The following SP100 variants were observed in gnomAD, a reference collection of about 807,000 sequenced individuals.
SP100 encodes the protein SP100 nuclear body protein, also known as nuclear autoantigen Sp-100.
In SP100, 84 loss-of-function variants were observed where a neutral mutation model predicts 130.0. That is an observed-to-expected ratio of 0.65 (90% CI 0.54 to 0.77). The LOEUF (loss-of-function observed/expected upper bound fraction) is 0.77. SP100 is among the 30% of genes least tolerant of loss of function. SP100 has a pLI of 0.00. For missense variants in SP100, 978 were observed against 1,052.2 expected, an observed-to-expected ratio of 0.93 and a Z score of 0.97; for synonymous variants, 331 against 351.7, an observed-to-expected ratio of 0.94 and a Z score of 0.66.
chr2:230,426,165 A>T (rs2062926370), intron 2 of SP100, among the ~76,000 whole-genome samples: 1 of 152,044 alleles, frequency 6.6e-6, no homozygotes, highest in South Asian at 2.1e-4. Flanking sequence ...TTAGTGAAAG[A>T]GTTGCTAATT....
At chr2:230,460,454 C>A (rs533328970) in intron 8 of SP100, among the ~76,000 whole-genome samples, 3 of 151,970 alleles carry the variant, frequency 2.0e-5, no homozygotes, top group South Asian at 2.1e-4. Flanking sequence ...AGAGATTATT[C>A]CATTTTTATA....
At chr2:230,425,055 A>G (rs994099931) in intron 2 of SP100, among the ~76,000 whole-genome samples, 3 of 152,228 alleles carry the variant, frequency 2.0e-5, no homozygotes, top group African/African-American at 4.8e-5. Flanking sequence ...GGTGTAAAAC[A>G]TGATGATTTC....
In SP100 at chr2:230,545,381, G is replaced by A. The variant is rs1393982670; in HGVS notation, c.*2435G>A. On this transcript the variant is annotated 3_prime_UTR_variant, in exon 29 of 29. Coordinates refer to ENST00000340126, the MANE Select transcript of SP100 (RefSeq NM_001080391.2). ...GTTGTGAGTGGGAGCTAAATGATGAGAACTCATGAACACAATGAAGGGAAC... is the reference window on the plus strand; with the variant it reads ...GTTGTGAGTGGGAGCTAAATGATGAAAACTCATGAACACAATGAAGGGAAC... Among the ~76,000 whole-genome samples, 1 of 152,096 alleles carries A rather than the reference G, an allele frequency of 6.6e-6. No individual in the cohort carries two copies. Among genetic ancestry groups the A allele is most frequent in the Non-Finnish European group, 1.5e-5 (1 of 68,010 alleles).
In SP100 at chr2:230,506,313, G is replaced by T. The variant is rs768622900; in HGVS notation, c.1881G>T (p.Lys627Asn). ...YKERFKQGTS[K>N]KCIQSEDKKW... ...GCCTTGGTCTTACAGGAACCTCAAA[G>T]AAGTGTATACAGAGTGAGGATAAAA... Residue 627 changes from lysine (K) to asparagine (N), a missense_variant, in exon 22 of 29, where the codon AAG becomes AAT. By Grantham distance (94) the Lys-to-Asn change is moderately conservative. Transcript: ENST00000340126. 6.2e-7 allele frequency: 1 copy of T among 1,613,762 alleles called. No homozygotes were observed. The highest frequency in any genetic ancestry group is 8.5e-7 in the Non-Finnish European group (1 of 1,179,738).
intron 23 of SP100, 162 bp downstream of exon 23, chr2:230,508,193 T>C: frequency 8.5e-7 from 1 of 1,180,876 alleles, no homozygotes; most frequent in Non-Finnish European, 1.1e-6. Context: ...AATGTATAAG[T>C]CCAGGGCTCC....
chr2:230,486,625 G>A (rs189990090), intron 17 of SP100, among the ~76,000 whole-genome samples: 2 of 152,306 alleles, frequency 1.3e-5, no homozygotes, highest in Admixed American at 1.3e-4. Context: ...AAATAGTGCT[G>A]CAATAAACAT....
intron 2 of SP100, among the ~76,000 whole-genome samples, chr2:230,433,533 C>A (rs1170247916): frequency 6.6e-6 from 1 of 151,980 alleles, no homozygotes; most frequent in African/African-American, 2.4e-5. Flanking sequence ...TGCAAAAGGC[C>A]ATTGGAGATT....
intron 24 of SP100, chr2:230,515,793 C>T (rs80080084): frequency 4.8e-4 from 706 of 1,463,208 alleles, no homozygotes; most frequent in Admixed American, 9.6e-4. Flanking sequence ...TAACCACTAC[C>T]GAATGTGTCT....
rs1342542579 is a variant in SP100 at position 230,543,398 on chromosome 2, T to C, written c.*452T>C. On this transcript the variant is annotated 3_prime_UTR_variant, in exon 29 of 29. Coordinates refer to ENST00000340126, the MANE Select transcript of SP100 (RefSeq NM_001080391.2). Reference sequence around the variant, plus strand: ...GTTTGCACACAACATTGATTCTATATCTAGAAAACCCCCTAGTCTCAGCCC... The same window carrying C: ...GTTTGCACACAACATTGATTCTATACCTAGAAAACCCCCTAGTCTCAGCCC... The C allele has an allele frequency of 6.6e-6, 1 of 152,322 alleles. No homozygotes were observed. Among genetic ancestry groups the C allele is most frequent in the Non-Finnish European group, 1.5e-5 (1 of 68,134 alleles). The allele number at this position is 152,322 out of a possible 1,614,324, so 9.4% of individuals were successfully genotyped here.
At chr2:230,455,492 T>G (rs186820630) in intron 8 of SP100, among the ~76,000 whole-genome samples, 233 of 152,338 alleles carry the variant, frequency 1.5e-3, no homozygotes, top group African/African-American at 5.4e-3. Flanking sequence ...TCTTTTCACT[T>G]TCAGTCTATG....
intron 24 of SP100, chr2:230,514,941 T>C: frequency 7.8e-7 from 1 of 1,278,896 alleles, no homozygotes. Context: ...TACATTGAGC[T>C]CCATAGAGAT....
At position 230,541,455 on chromosome 2, in the gene SP100, A is replaced by G. The variant is rs114768322; in HGVS notation, c.2403+83A>G. On this transcript the variant is annotated intron_variant, in intron 27 of 28. Transcript: ENST00000340126. ...ATCCCATGGCACAAGGTGCCATTCTATTTGGCTTGTTGATGAGTTTTTAGT... is the reference window on the plus strand; with the variant it reads ...ATCCCATGGCACAAGGTGCCATTCTGTTTGGCTTGTTGATGAGTTTTTAGT... 2,174 of 1,224,060 alleles carry G rather than the reference A, an allele frequency of 1.8e-3. 34 individuals carry two copies. In the African/African-American group the frequency reaches 0.029, roughly 16 times the overall value. 75.8% of individuals were successfully genotyped at this position (1,224,060 alleles called of 1,614,324 possible).
intron 24 of SP100, chr2:230,520,475 A>C (rs1223718885): frequency 6.6e-6 from 1 of 152,176 alleles, no homozygotes; most frequent in Non-Finnish European, 1.5e-5. Flanking sequence ...AGCTTCAAAA[A>C]ACCAGAACTT....
At chr2:230,513,758 T>C (rs1022739694) in intron 24 of SP100, among the ~76,000 whole-genome samples, 1 of 152,258 alleles carries the variant, frequency 6.6e-6, no homozygotes, top group South Asian at 2.1e-4. Context: ...GAAATCAGTA[T>C]TTTGGCCTTA....
At chr2:230,500,866 G>A (rs1365301239) in intron 19 of SP100, among the ~76,000 whole-genome samples, 1 of 152,162 alleles carries the variant, frequency 6.6e-6, no homozygotes, top group Non-Finnish European at 1.5e-5. Context: ...AATTTTACCT[G>A]AGAGACAAGG....
chr2:230,464,161 TA>T lies in SP100; in HGVS notation c.1141+12del, dbSNP rs2064812893. 2.6e-6 allele frequency: 4 copies of T among 1,533,522 alleles called. No homozygotes were observed. The African/African-American group carries it at 4.1e-5, about 16-fold the overall frequency. 95.0% of individuals were successfully genotyped at this position (1,533,522 alleles called of 1,614,324 possible). A position where few individuals can be genotyped will look rare whatever the true frequency, so the allele number is the denominator to read the frequency against. On this transcript the variant is annotated intron_variant, in intron 11 of 28. Transcript: ENST00000340126. Reference sequence around the variant, plus strand: ...CCCAGATTGTACCAGGTAAGAATATTAGAGTTGCAACCCGAGACTGTAGAAT... The same window carrying T: ...CCCAGATTGTACCAGGTAAGAATATTGAGTTGCAACCCGAGACTGTAGAAT...
chr2:230,434,195 T>G (rs1352852356), intron 2 of SP100, among the ~76,000 whole-genome samples: 1 of 152,076 alleles, frequency 6.6e-6, no homozygotes, highest in Non-Finnish European at 1.5e-5. Flanking sequence ...ACATGATGTT[T>G]TCACTGAACA....
intron 19 of SP100, among the ~76,000 whole-genome samples, chr2:230,499,720 C>T (rs1431143730): frequency 6.6e-6 from 1 of 151,828 alleles, no homozygotes; most frequent in Non-Finnish European, 1.5e-5. Context: ...GCTCCCAGCT[C>T]AGCCCTCTGG....
intron 2 of SP100, among the ~76,000 whole-genome samples, chr2:230,432,434 A>G (rs1329293351): frequency 6.6e-6 from 1 of 152,160 alleles, no homozygotes; most frequent in Non-Finnish European, 1.5e-5. Context: ...TAGTAGCATT[A>G]TGTTTCACTT....
Sources: gnomAD v4.1 joint callset for allele counts (sites outside exome capture counted in the v4.1 genomes callset) on GRCh38, gnomAD v4.1.1 for gene constraint, MANE v1.5 for transcripts, NCBI Gene and HGNC (gene_info 2026-07-23, HGNC 2026-07-21) for gene names.